ADK: variants seen among roughly 807,000 people sequenced by gnomAD.
ADK encodes N6,N6-dimethyladenosine kinase.
Under a neutral mutation model 44.7 loss-of-function variants are expected in ADK, and 24 were observed. That is an observed-to-expected ratio of 0.54 (90% CI 0.39 to 0.76). The LOEUF is 0.76. ADK is among the 30% of genes least tolerant of loss of function. The pLI, the probability that ADK is intolerant of heterozygous loss-of-function variation, is 0.00. For missense variants in ADK, 321 were observed against 425.1 expected (o/e 0.76, Z 2.15); for synonymous variants, 128 against 142.6 (o/e 0.90, Z 0.73).
At chr10:74,611,098 G>T (rs1305917777) in intron 9 of ADK, among the ~76,000 whole-genome samples, 1 of 152,016 alleles carries the variant, frequency 6.6e-6, no homozygotes, top group East Asian at 1.9e-4. Context: ...CACAATCATG[G>T]CTCACTGCAA....
At chr10:74,424,137 TG>T in intron 6 of ADK, 1 of 152,634 alleles carries the variant, frequency 6.6e-6, no homozygotes, top group East Asian at 1.9e-4. Context: ...TACTTGGGGC[TG>T]GGGCTCACAC....
chr10:74,233,672 G>C lies in ADK; in HGVS notation c.194+9081G>C, dbSNP rs1428428719. 1.3e-5 allele frequency among the ~76,000 whole-genome samples: 2 copies of C among 152,102 alleles called. 1 individual carries two copies. Among genetic ancestry groups the C allele is most frequent in the Admixed American group, 1.3e-4 (2 of 15,262 alleles). On this transcript the variant is annotated intron_variant, in intron 3 of 10. Transcript: ENST00000539909. ...TAATCACTTAGTCTTCCAAACTTAA[G>C]TTCCTCCGATATCATTTTGGGTTTA...
chr10:74,513,260 C>T (rs1848418524), intron 6 of ADK, among the ~76,000 whole-genome samples: 1 of 152,102 alleles, frequency 6.6e-6, no homozygotes, highest in South Asian at 2.1e-4. Context: ...CTATAAATAT[C>T]TGTTGTATTT....
intron 6 of ADK, among the ~76,000 whole-genome samples, chr10:74,498,519 A>G (rs1847774071): frequency 6.6e-6 from 1 of 152,244 alleles, no homozygotes; most frequent in African/African-American, 2.4e-5. Context: ...TAATAACTCT[A>G]CACTTTATTT....
intron 3 of ADK, among the ~76,000 whole-genome samples, chr10:74,300,283 CTTCCTTCCTTCCTTCCTTCCTTCCTTCT>C (rs1390495173): frequency 0.054 from 4,370 of 80,632 alleles, 239 homozygotes; most frequent in Middle Eastern, 0.11. Flanking sequence ...TCCTTCCTTC[CTTCCTTCCTTCCTTCCTTCCTTCCTTCT>C]TTCCTTCCTT....
rs1172321903 is a variant in ADK at position 74,708,925 on chromosome 10, C to CT, written c.*480_*481insT. 1 of 158,514 alleles carries CT rather than the reference C, an allele frequency of 6.3e-6. No homozygotes were observed. Among genetic ancestry groups the CT allele is most frequent in the Non-Finnish European group, 1.4e-5 (1 of 71,850 alleles). The allele number at this position is 158,514 out of a possible 1,614,324, so 9.8% of individuals were successfully genotyped here. A position where few individuals can be genotyped will look rare whatever the true frequency, so the allele number is the denominator to read the frequency against. On this transcript the variant is annotated 3_prime_UTR_variant, in exon 11 of 11. Coordinates refer to ENST00000539909, the MANE Select transcript of ADK (RefSeq NM_006721.4). ...CACATACATAAATATACCACATATA[C>CT]ACCTGATAGTCAAATAAGGTACAGA...
chr10:74,240,897 A>AT (rs958013809), intron 3 of ADK, among the ~76,000 whole-genome samples: 1 of 152,230 alleles, frequency 6.6e-6, no homozygotes, highest in Non-Finnish European at 1.5e-5. Context: ...ATTATATGAT[A>AT]TGAAGCACTT....
In ADK at chr10:74,175,151, C is replaced by T. The variant is rs547906672; in HGVS notation, c.65+23808C>T. ...TTGGCTCACGCCTGGAAGGCTGAGG[C>T]GGGCAGATCGCTTGAGGCCAGGAGT... On this transcript the variant is annotated intron_variant, in intron 1 of 10. Transcript: ENST00000539909. Among the ~76,000 whole-genome samples, 17 of 152,224 alleles carry T rather than the reference C, an allele frequency of 1.1e-4. No homozygotes were observed. The East Asian group carries it at 3.3e-3, about 29-fold the overall frequency.
At chr10:74,622,528 A>AT (rs1258892918) in intron 9 of ADK, among the ~76,000 whole-genome samples, 1 of 152,136 alleles carries the variant, frequency 6.6e-6, no homozygotes, top group Non-Finnish European at 1.5e-5. Context: ...TATTGAATAC[A>AT]TTTTTTTATT....
intron 4 of ADK, among the ~76,000 whole-genome samples, chr10:74,343,243 A>G (rs1015810594): frequency 2.0e-5 from 3 of 152,104 alleles, no homozygotes; most frequent in Non-Finnish European, 4.4e-5. Context: ...GACCCACTGC[A>G]TAGTCTAAAA....
intron 6 of ADK, among the ~76,000 whole-genome samples, chr10:74,467,728 T>G (rs1173605067): frequency 2.0e-5 from 3 of 152,064 alleles, no homozygotes; most frequent in Non-Finnish European, 4.4e-5. Context: ...CCCAAAAAAA[T>G]TCATAAGGAA....
chr10:74,218,725 A>G (rs952243477), intron 2 of ADK, among the ~76,000 whole-genome samples: 19 of 152,314 alleles, frequency 1.2e-4, no homozygotes, highest in Non-Finnish European at 2.5e-4. Flanking sequence ...AACATTCTTA[A>G]AGAAAAGAAT....
chr10:74,199,565 G>A (rs774332537), intron 1 of ADK, among the ~76,000 whole-genome samples: 46 of 152,156 alleles, frequency 3.0e-4, no homozygotes, highest in Non-Finnish European at 5.7e-4. Context: ...TATATGTATT[G>A]AATTTTCTTT....
In ADK at chr10:74,581,157, G is replaced by A. The variant is rs181110779; in HGVS notation, c.727-8125G>A. Among the ~76,000 whole-genome samples, 20 of 152,044 alleles carry A rather than the reference G, an allele frequency of 1.3e-4. No homozygotes were observed. The East Asian group carries it at 2.7e-3, about 21-fold the overall frequency. ...AGAAATGATACAGATGTTAGGATTC[G>A]TTGACAAAGATGTTAAAACAGCATT... On this transcript the variant is annotated intron_variant, in intron 7 of 10. Transcript: ENST00000539909.
intron 9 of ADK, among the ~76,000 whole-genome samples, chr10:74,666,490 A>G (rs1026552686): frequency 8.6e-5 from 13 of 151,780 alleles, no homozygotes; most frequent in African/African-American, 2.7e-4. Context: ...TTCTCACTTT[A>G]CAAAAAGTTT....
chr10:74,443,830 G>T (rs1001076875), intron 6 of ADK, among the ~76,000 whole-genome samples: 1 of 152,026 alleles, frequency 6.6e-6, no homozygotes. Context: ...AATATGAAAG[G>T]CATGAATTTA....
chr10:74,656,711 A>G (rs1854500285), intron 9 of ADK, among the ~76,000 whole-genome samples: 1 of 152,184 alleles, frequency 6.6e-6, no homozygotes, highest in African/African-American at 2.4e-5. Context: ...TGACGTGAGG[A>G]TTACATGGGA....
intron 3 of ADK, among the ~76,000 whole-genome samples, chr10:74,258,958 T>G (rs1591945356): frequency 6.9e-6 from 1 of 144,336 alleles, no homozygotes; most frequent in East Asian, 2.0e-4. Context: ...TTTTTTTTTT[T>G]TTTTTTTTTT....
At chr10:74,513,997 AC>A (rs1848458533) in intron 6 of ADK, among the ~76,000 whole-genome samples, 3 of 152,156 alleles carry the variant, frequency 2.0e-5, no homozygotes, top group Admixed American at 2.0e-4. Context: ...GCAAGGCCAG[AC>A]TAGTGGTGAT....
Sources: allele counts gnomAD v4.1 joint callset (sites outside exome capture counted in the v4.1 genomes callset), GRCh38; gene constraint gnomAD v4.1.1; transcripts MANE v1.5; gene names NCBI Gene and HGNC (gene_info 2026-07-23, HGNC 2026-07-21).